Variants in TMEM117 observed in about 807,000 individuals in gnomAD.
TMEM117 encodes the protein transmembrane protein 117.
Under a neutral mutation model 52.4 loss-of-function variants are expected in TMEM117, and 27 were observed. That is an observed-to-expected ratio of 0.51 (90% CI 0.38 to 0.71). The LOEUF (loss-of-function observed/expected upper bound fraction) is 0.71. Among genes scored for constraint, TMEM117 ranks in the 30% least tolerant of loss-of-function variants. TMEM117 has a pLI of 0.00. For synonymous variants in TMEM117, 215 were observed against 206.3 expected (o/e 1.04, Z -0.36); for missense variants, 556 against 630.5 (o/e 0.88, Z 1.26).
chr12:44,088,829 T>G (rs933307379), intron 3 of TMEM117, among the ~76,000 whole-genome samples: 1 of 152,222 alleles, frequency 6.6e-6, no homozygotes, highest in African/African-American at 2.4e-5. Flanking sequence ...TTGCCAAATC[T>G]TTCCTGGGCT....
the TMEM117 span, among the ~76,000 whole-genome samples, chr12:43,828,270 C>T: frequency 6.6e-6 from 1 of 152,202 alleles, no homozygotes; most frequent in African/African-American, 2.4e-5. Context: ...CATATGAGTG[C>T]TCACTATGAG....
intron 5 of TMEM117, among the ~76,000 whole-genome samples, chr12:44,225,718 A>G (rs1437821922): frequency 6.6e-6 from 1 of 152,194 alleles, no homozygotes; most frequent in Non-Finnish European, 1.5e-5. Flanking sequence ...GACACTTAGC[A>G]TCATTGCTTC....
chr12:44,015,733 C>A (rs762292221), intron 3 of TMEM117, among the ~76,000 whole-genome samples: 33 of 152,068 alleles, frequency 2.2e-4, no homozygotes, highest in Non-Finnish European at 4.0e-4. Context: ...AACAATTTCC[C>A]AAGTTGACCT....
At chr12:44,366,682 T>A (rs139820613) in intron 6 of TMEM117, among the ~76,000 whole-genome samples, 1 of 152,200 alleles carries the variant, frequency 6.6e-6, no homozygotes, top group East Asian at 1.9e-4. Context: ...CATATTATCA[T>A]TGGGTGGTCC....
At chr12:44,312,586 CT>C (rs1220302671) in intron 6 of TMEM117, among the ~76,000 whole-genome samples, 1 of 151,980 alleles carries the variant, frequency 6.6e-6, no homozygotes, top group Non-Finnish European at 1.5e-5. Context: ...GTGCACATGT[CT>C]TTTTGGTGAT....
chr12:44,206,573 CAGT>C (rs1949569902), intron 4 of TMEM117, among the ~76,000 whole-genome samples: 1 of 152,236 alleles, frequency 6.6e-6, no homozygotes, highest in African/African-American at 2.4e-5. Flanking sequence ...AAATGCCTAT[CAGT>C]GGTGGACTGG....
intron 3 of TMEM117, among the ~76,000 whole-genome samples, chr12:44,085,310 G>A (rs1327748457): frequency 6.6e-6 from 1 of 151,714 alleles, no homozygotes; most frequent in Non-Finnish European, 1.5e-5. Flanking sequence ...CTCAATAAAT[G>A]TTTGATTAAA....
At chr12:44,180,352 CTTT>C (rs112698806) in intron 4 of TMEM117, among the ~76,000 whole-genome samples, 1 of 146,194 alleles carries the variant, frequency 6.8e-6, no homozygotes, top group Admixed American at 6.9e-5. Flanking sequence ...TACCTGACAT[CTTT>C]TTTTTTTTTT....
chr12:43,818,705 A>T, the TMEM117 span, among the ~76,000 whole-genome samples: 1 of 152,120 alleles, frequency 6.6e-6, no homozygotes, highest in Admixed American at 6.5e-5. Flanking sequence ...GGCTTCTCAA[A>T]GTGCTGGGAT....
intron 2 of TMEM117, among the ~76,000 whole-genome samples, chr12:43,878,800 G>A (rs1943847178): frequency 6.6e-6 from 1 of 152,170 alleles, no homozygotes; most frequent in African/African-American, 2.4e-5. Context: ...ATTTGGAAAA[G>A]TAAAATTGGT....
intron 3 of TMEM117, among the ~76,000 whole-genome samples, chr12:44,124,551 G>A (rs1055787784): frequency 6.6e-6 from 1 of 152,086 alleles, no homozygotes; most frequent in African/African-American, 2.4e-5. Context: ...GTCATAAATG[G>A]CTCTTATTAT....
At chr12:44,287,050 T>G (rs141180816) in intron 5 of TMEM117, among the ~76,000 whole-genome samples, 1 of 152,286 alleles carries the variant, frequency 6.6e-6, no homozygotes. Flanking sequence ...GCATTCACAC[T>G]TTTTTAACAA....
intron 5 of TMEM117, among the ~76,000 whole-genome samples, chr12:44,287,275 A>C (rs1466087491): frequency 1.3e-5 from 2 of 152,208 alleles, no homozygotes; most frequent in African/African-American, 4.8e-5. Context: ...AGTTCTTTCC[A>C]TTTGACTAGA....
chr12:44,370,874 C>T (rs1388881286), intron 6 of TMEM117, among the ~76,000 whole-genome samples: 4 of 152,100 alleles, frequency 2.6e-5, no homozygotes, highest in Non-Finnish European at 5.9e-5. Context: ...TTACTATATA[C>T]TGAGCATTAT....
At chr12:44,138,920 T>C (rs948205759) in intron 3 of TMEM117, among the ~76,000 whole-genome samples, 2 of 152,318 alleles carry the variant, frequency 1.3e-5, no homozygotes, top group African/African-American at 4.8e-5. Flanking sequence ...GAAAGGTTAA[T>C]TTTAAAAATC....
chr12:44,288,375 A>G (rs904732125), intron 5 of TMEM117, among the ~76,000 whole-genome samples: 6 of 152,174 alleles, frequency 3.9e-5, no homozygotes, highest in African/African-American at 1.4e-4. Flanking sequence ...ATCAGGCAGA[A>G]TACCTCCTTT....
intron 3 of TMEM117, among the ~76,000 whole-genome samples, chr12:43,951,563 G>C (rs1945222613): frequency 6.6e-6 from 1 of 152,180 alleles, no homozygotes; most frequent in African/African-American, 2.4e-5. Context: ...TGCTTCTCTA[G>C]ATCCTTCCTC....
At chr12:44,268,894 C>T (rs903149197) in intron 5 of TMEM117, among the ~76,000 whole-genome samples, 3 of 152,096 alleles carry the variant, frequency 2.0e-5, no homozygotes, top group African/African-American at 7.2e-5. Flanking sequence ...TCACAGTTCC[C>T]TCCTCCCTTA....
chr12:44,247,123 C>A (rs1013132073), intron 5 of TMEM117, among the ~76,000 whole-genome samples: 5 of 152,204 alleles, frequency 3.3e-5, no homozygotes, highest in African/African-American at 1.2e-4. Flanking sequence ...TTGGCATAGG[C>A]AAAACTCCTA....
Sources: gnomAD v4.1 joint callset for allele counts (sites outside exome capture counted in the v4.1 genomes callset) on GRCh38, gnomAD v4.1.1 for gene constraint, MANE v1.5 for transcripts, NCBI Gene and HGNC (gene_info 2026-07-23, HGNC 2026-07-21) for gene names.